KLRG1: variants seen among roughly 807,000 people sequenced by gnomAD.
The protein encoded by KLRG1 is killer cell lectin like receptor G1.
In KLRG1, 16 loss-of-function variants were observed where a neutral mutation model predicts 21.8. The ratio of observed to expected loss-of-function variants is 0.73; its 90% CI spans 0.50 to 1.11. KLRG1 has a LOEUF of 1.11. Among genes scored for constraint, KLRG1 ranks in the 50% most tolerant of loss-of-function variants. The pLI is 0.00. For synonymous variants in KLRG1, 69 were observed against 75.9 expected (o/e 0.91, Z 0.47); for missense variants, 173 against 218.3 (o/e 0.79, Z 1.31).
chr12:9,115,907 T>C, the KLRG1 span: 47 of 1,423,454 alleles, frequency 3.3e-5, no homozygotes, highest in Non-Finnish European at 3.9e-5. Context: ...CTCCCTACAA[T>C]CCATCTGGTC....
At chr12:9,049,162 A>G in the KLRG1 span, among the ~76,000 whole-genome samples, 1 of 152,174 alleles carries the variant, frequency 6.6e-6, no homozygotes, top group Non-Finnish European at 1.5e-5. Flanking sequence ...TCTCTGAGTA[A>G]GTATCAGGGC....
the KLRG1 span, among the ~76,000 whole-genome samples, chr12:9,080,912 A>T: frequency 6.6e-6 from 1 of 152,202 alleles, no homozygotes; most frequent in South Asian, 2.1e-4. Flanking sequence ...CAAATGGCTA[A>T]GCAAAATAAA....
At chr12:9,043,514 C>A in the KLRG1 span, among the ~76,000 whole-genome samples, 1 of 152,196 alleles carries the variant, frequency 6.6e-6, no homozygotes, top group Admixed American at 6.5e-5. Context: ...TAGACTTATG[C>A]TTAAGAAGAT....
At chr12:9,154,963 T>A in the KLRG1 span, 1 of 989,134 alleles carries the variant, frequency 1.0e-6, no homozygotes. Flanking sequence ...AGGTCTTCTA[T>A]GTCATAAACT....
At chr12:8,988,307 CT>C (rs1946878915), upstream of KLRG1, 1 of 152,216 alleles carries the variant, frequency 6.6e-6, no homozygotes, top group African/African-American at 2.4e-5. Flanking sequence ...GATCATTGCA[CT>C]CACCTTTGTA....
chr12:9,039,119 A>T, the KLRG1 span, among the ~76,000 whole-genome samples: 1 of 152,252 alleles, frequency 6.6e-6, no homozygotes, highest in African/African-American at 2.4e-5. Context: ...AATTCTGTTC[A>T]TTCAATAAGT....
chr12:9,081,794 C>T, the KLRG1 span, among the ~76,000 whole-genome samples: 323 of 152,254 alleles, frequency 2.1e-3, no homozygotes, highest in Middle Eastern at 6.8e-3. Flanking sequence ...CTCATTTCAC[C>T]GGGAACACAG....
chr12:9,025,273 A>C, the KLRG1 span, among the ~76,000 whole-genome samples: 2 of 152,212 alleles, frequency 1.3e-5, no homozygotes, highest in Admixed American at 6.5e-5. Context: ...CTTAAAATAC[A>C]GATAGAAGAC....
chr12:9,107,299 T>C, the KLRG1 span, among the ~76,000 whole-genome samples: 1 of 152,202 alleles, frequency 6.6e-6, no homozygotes, highest in Non-Finnish European at 1.5e-5. Context: ...ATGGAGGCTT[T>C]AGATGGCTCA....
At chr12:9,070,536 A>G in the KLRG1 span, 1 of 1,613,902 alleles carries the variant, frequency 6.2e-7, no homozygotes, top group Non-Finnish European at 8.5e-7. Context: ...CCATCTTCAC[A>G]TCAACGATCG....
At chr12:8,957,046 C>A (rs1380770258) in intron 1 of KLRG1, among the ~76,000 whole-genome samples, 3 of 152,162 alleles carry the variant, frequency 2.0e-5, no homozygotes, top group Non-Finnish European at 2.9e-5. Context: ...TGAGCAGGGC[C>A]CCCCCGGCCG....
At chr12:9,163,339 G>A in the KLRG1 span, among the ~76,000 whole-genome samples, 1 of 150,624 alleles carries the variant, frequency 6.6e-6, no homozygotes, top group Non-Finnish European at 1.5e-5. Flanking sequence ...TGTAGTCCCA[G>A]CTACTCGGGA....
intron 3 of KLRG1, among the ~76,000 whole-genome samples, chr12:9,002,818 TG>T (rs1947344922): frequency 6.6e-6 from 1 of 151,866 alleles, no homozygotes; most frequent in South Asian, 2.1e-4. Flanking sequence ...TTTCCTGCCT[TG>T]GCCTCTCAAA....
chr12:9,070,308 AG>A, the KLRG1 span, among the ~76,000 whole-genome samples: 1 of 152,376 alleles, frequency 6.6e-6, no homozygotes, highest in East Asian at 1.9e-4. Context: ...GTCCTAGCAC[AG>A]TGCTCTGCAC....
At chr12:9,185,468 C>A in the KLRG1 span, among the ~76,000 whole-genome samples, 6 of 152,086 alleles carry the variant, frequency 3.9e-5, no homozygotes, top group Admixed American at 3.9e-4. Flanking sequence ...TCCTTGATAT[C>A]CTTGAAAGAG....
At chr12:9,051,330 C>T in the KLRG1 span, among the ~76,000 whole-genome samples, 5 of 152,224 alleles carry the variant, frequency 3.3e-5, no homozygotes, top group African/African-American at 1.2e-4. Context: ...GAGCAGCCCC[C>T]TCCAGGGCTT....
At chr12:9,163,327 C>T in the KLRG1 span, among the ~76,000 whole-genome samples, 1 of 151,130 alleles carries the variant, frequency 6.6e-6, no homozygotes, top group Non-Finnish European at 1.5e-5. Flanking sequence ...TAGCCAGGCG[C>T]CTGTAGTCCC....
chr12:9,164,004 A>T, the KLRG1 span: 3 of 1,333,828 alleles, frequency 2.2e-6, no homozygotes, highest in Non-Finnish European at 3.1e-6. Flanking sequence ...TAGTGGATAG[A>T]AATAGGAAAA....
At chr12:8,980,539 C>G (rs1946737381) in intron 1 of KLRG1, among the ~76,000 whole-genome samples, 1 of 152,132 alleles carries the variant, frequency 6.6e-6, no homozygotes, top group Non-Finnish European at 1.5e-5. Context: ...AGGGTAGTGG[C>G]TGGGTGAGGT....
Sources: gnomAD v4.1 joint callset for allele counts (sites outside exome capture counted in the v4.1 genomes callset) on GRCh38, gnomAD v4.1.1 for gene constraint, MANE v1.5 for transcripts, NCBI Gene and HGNC (gene_info 2026-07-23, HGNC 2026-07-21) for gene names.